The following CLEC9A variants were observed in gnomAD, a reference collection of about 807,000 sequenced individuals.
CLEC9A encodes C-type lectin domain containing 9A, also known as C-type lectin domain family 9 member A.
CLEC9A carries 24 observed loss-of-function variants against 30.0 expected under a neutral mutation model. The observed-to-expected ratio is 0.80, with a 90% CI of 0.58 to 1.13. CLEC9A has a LOEUF of 1.13. CLEC9A is among the 50% of genes most tolerant of loss of function. The pLI, the probability that CLEC9A is intolerant of heterozygous loss-of-function variation, is 0.00. For synonymous variants in CLEC9A, 111 were observed against 96.8 expected, an observed-to-expected ratio of 1.15 and a Z score of -0.86; for missense variants, 251 against 280.9, an observed-to-expected ratio of 0.89 and a Z score of 0.76.
chr12:10,062,943 A>G, intron 6 of CLEC9A, 112 bp from the exon 7 acceptor site: 1 of 825,842 alleles, frequency 1.2e-6, no homozygotes, highest in Non-Finnish European at 1.8e-6. Context: ...CATGTGGACC[A>G]TTACGTTATG....
chr12:10,046,328 A>C (rs1454816321), intron 2 of CLEC9A, among the ~76,000 whole-genome samples: 1 of 152,188 alleles, frequency 6.6e-6, no homozygotes, highest in Non-Finnish European at 1.5e-5. Flanking sequence ...CATTACACAA[A>C]TACAATTACT....
At chr12:10,032,811 A>G (rs1865712052) in intron 1 of CLEC9A, among the ~76,000 whole-genome samples, 1 of 152,176 alleles carries the variant, frequency 6.6e-6, no homozygotes, top group Non-Finnish European at 1.5e-5. Context: ...CTCCTATGTT[A>G]AAAACAAGCA....
chr12:10,064,864 G>A lies in CLEC9A; in HGVS notation c.593+11G>A, dbSNP rs1866029726. ...TCCTTCTCCTGGCCTGTAAGTCTCT[G>A]AGTGAAATGCTACAAGAAAAGTTAG... On this transcript the variant is annotated intron_variant, in intron 8 of 8. Coordinates refer to ENST00000355819, the MANE Select transcript of CLEC9A (RefSeq NM_207345.4). 3 of 1,604,160 alleles carry A rather than the reference G, an allele frequency of 1.9e-6. No individual in the cohort carries two copies. Among genetic ancestry groups the A allele is most frequent in the South Asian group, 1.1e-5 (1 of 89,480 alleles).
At chr12:10,061,103 A>G (rs753418302) in intron 5 of CLEC9A, 24 bp from the exon 6 acceptor site, 16 of 1,602,034 alleles carry the variant, frequency 1.0e-5, no homozygotes, top group Admixed American at 1.8e-5. Flanking sequence ...GGATTTTATT[A>G]GGAATGATTG....
Position 10,065,596 on chromosome 12 carries a change from T to C in CLEC9A, c.690T>C (p.Phe230=), listed in dbSNP as rs777229446. The C allele has an allele frequency of 2.5e-6, 4 of 1,613,806 alleles. No individual in the cohort carries two copies. Among genetic ancestry groups the C allele is most frequent in the Non-Finnish European group, 3.4e-6 (4 of 1,179,862 alleles). ...CTAACTGCAGCACGTGGAAGTATTTTATCTGTGAGAAGTATGCGTTGAGAT... is the reference window on the plus strand; with the variant it reads ...CTAACTGCAGCACGTGGAAGTATTTCATCTGTGAGAAGTATGCGTTGAGAT... ...LSSNCSTWKY[F]ICEKYALRSS... is the part of the protein sequence containing the mutation. Residue 230 remains phenylalanine, a synonymous_variant, in exon 9 of 9, where the codon TTT becomes TTC. Transcript: ENST00000355819.
At chr12:10,052,844 T>C in intron 4 of CLEC9A, 66 bp downstream of exon 4, 2 of 1,534,366 alleles carry the variant, frequency 1.3e-6, no homozygotes, top group Non-Finnish European at 1.8e-6. Flanking sequence ...TTCTGCTCTA[T>C]CATGAGGCCA....
chr12:10,048,351 A>G lies in CLEC9A; in HGVS notation c.-162-3640A>G, dbSNP rs183476092. On this transcript the variant is annotated intron_variant, in intron 2 of 8. Coordinates refer to ENST00000355819, the MANE Select transcript of CLEC9A (RefSeq NM_207345.4). ...CGCGACACTACAGTCCAGCCTGGTGACAGAGTGAGATTCCGAAAAAAAAAA... is the reference window on the plus strand; with the variant it reads ...CGCGACACTACAGTCCAGCCTGGTGGCAGAGTGAGATTCCGAAAAAAAAAA... 4.5e-4 allele frequency among the ~76,000 whole-genome samples: 64 copies of G among 142,048 alleles called. 1 individual carries two copies. The highest frequency in any genetic ancestry group is 3.5e-3 in the Middle Eastern group (1 of 286). 93.2% of individuals were successfully genotyped at this position (142,048 alleles called of 152,430 possible).
chr12:10,057,533 G>T (rs566143490), intron 5 of CLEC9A, among the ~76,000 whole-genome samples: 401 of 151,858 alleles, frequency 2.6e-3, no homozygotes, highest in African/African-American at 9.0e-3. Flanking sequence ...TTATATAAAA[G>T]AACACAATGC....
At chr12:10,032,898 T>C (rs927610416) in intron 1 of CLEC9A, among the ~76,000 whole-genome samples, 1 of 152,170 alleles carries the variant, frequency 6.6e-6, no homozygotes, top group Non-Finnish European at 1.5e-5. Flanking sequence ...ATTTCTCTAA[T>C]TTTCTTGACA....
chr12:10,065,596 T>A lies in CLEC9A; in HGVS notation c.690T>A (p.Phe230Leu), dbSNP rs777229446. The change falls in exon 9 of 9, where the codon TTT (phenylalanine) becomes TTA (leucine). Residue 230 changes from phenylalanine to leucine, a missense_variant. Coordinates refer to ENST00000355819, the MANE Select transcript of CLEC9A (RefSeq NM_207345.4). Reference sequence around the variant, plus strand: ...CTAACTGCAGCACGTGGAAGTATTTTATCTGTGAGAAGTATGCGTTGAGAT... The same window carrying A: ...CTAACTGCAGCACGTGGAAGTATTTAATCTGTGAGAAGTATGCGTTGAGAT... ...LSSNCSTWKY[F>L]ICEKYALRSS... is the part of the protein sequence containing the mutation. 6.2e-7 allele frequency: 1 copy of A among 1,613,924 alleles called. No individual in the cohort carries two copies. The highest frequency in any genetic ancestry group is 8.5e-7 in the Non-Finnish European group (1 of 1,179,854).
chr12:10,065,740 G>A lies in CLEC9A; in HGVS notation c.*108G>A. The A allele has an allele frequency of 7.8e-7, 1 of 1,290,014 alleles. No homozygotes were observed. The highest frequency in any genetic ancestry group is 2.1e-5 in the Admixed American group (1 of 46,944). 79.9% of individuals were successfully genotyped at this position (1,290,014 alleles called of 1,614,324 possible). ...AACAGAACAGTAAACCAAAATGTGG[G>A]CCATGAAATTAGCAACCTGGGACTC... On this transcript the variant is annotated 3_prime_UTR_variant, in exon 9 of 9. Coordinates refer to ENST00000355819, the MANE Select transcript of CLEC9A (RefSeq NM_207345.4).
At position 10,061,188 on chromosome 12, in the gene CLEC9A, A is replaced by G; in HGVS notation, c.234A>G (p.Ala78=). ...AAAAACTCATCCAACAAGAGAGGGC[A>G]CTGCTAAACTTTACAGAATGGAAGA... ...QQEKLIQQER[A]LLNFTEWKRS... Residue 78 remains alanine (A), a synonymous_variant, in exon 6 of 9, where the codon GCA becomes GCG. Transcript: ENST00000355819. The G allele has an allele frequency of 1.2e-6, 2 of 1,613,420 alleles. No individual in the cohort carries two copies.
At position 10,058,119 on chromosome 12, in the gene CLEC9A, A is replaced by G. The variant is rs145071229; in HGVS notation, c.173-3008A>G. On this transcript the variant is annotated intron_variant, in intron 5 of 8. Coordinates refer to ENST00000355819, the MANE Select transcript of CLEC9A (RefSeq NM_207345.4). The stretch of plus-strand genomic sequence containing the variant: ...CATTTAGGGTAAAACTCTGAAGAGA[A>G]GTCTCATTTCCCTTTCTCCAGTTTT... 4.1e-3 allele frequency among the ~76,000 whole-genome samples: 618 copies of G among 152,322 alleles called. 2 individuals carry two copies. The highest frequency in any genetic ancestry group is 0.01 in the Middle Eastern group (3 of 294).
chr12:10,063,175 C>G lies in CLEC9A; in HGVS notation c.440C>G (p.Thr147Arg). The change falls in exon 7 of 9, where the codon ACG (threonine) becomes AGG (arginine). Residue 147 changes from threonine to arginine, a missense_variant. Transcript: ENST00000355819. The stretch of plus-strand genomic sequence containing the variant: ...GAGAATTGTTTAAAGGAAGGTTCCA[C>G]GCTGCTACAAATAGAGAGCAAAGAA... ...SQENCLKEGS[T>R]LLQIESKEEM... 6.2e-7 allele frequency: 1 copy of G among 1,609,720 alleles called. No homozygotes were observed. The highest frequency in any genetic ancestry group is 8.5e-7 in the Non-Finnish European group (1 of 1,178,558).
At chr12:10,031,394 G>A (rs1351081575) in intron 1 of CLEC9A, among the ~76,000 whole-genome samples, 1 of 152,214 alleles carries the variant, frequency 6.6e-6, no homozygotes, top group Non-Finnish European at 1.5e-5. Context: ...GGGAAAGGGA[G>A]TCAAACACGA....
intron 2 of CLEC9A, among the ~76,000 whole-genome samples, chr12:10,050,872 C>T (rs1020817053): frequency 1.3e-5 from 2 of 152,112 alleles, no homozygotes; most frequent in African/African-American, 4.8e-5. Context: ...CATTAATTTT[C>T]AGATTCGAAT....
At chr12:10,065,417 C>G in intron 8 of CLEC9A, 83 bp from the exon 9 acceptor site, 1 of 1,522,594 alleles carries the variant, frequency 6.6e-7, no homozygotes, top group Non-Finnish European at 8.9e-7. Flanking sequence ...AAACAAGCAG[C>G]TACACACCTC....
intron 2 of CLEC9A, among the ~76,000 whole-genome samples, chr12:10,051,492 C>T (rs1865892445): frequency 6.6e-6 from 1 of 152,172 alleles, no homozygotes; most frequent in Non-Finnish European, 1.5e-5. Flanking sequence ...TGTCACACCC[C>T]TTTTTGGTTC....
chr12:10,041,088 CA>C (rs1241393521), intron 1 of CLEC9A: 5 of 156,536 alleles, frequency 3.2e-5, no homozygotes, highest in Non-Finnish European at 4.2e-5. Flanking sequence ...ACTAAAAATA[CA>C]AAAAAAATTA....
Sources: gnomAD v4.1 joint callset for allele counts (sites outside exome capture counted in the v4.1 genomes callset) on GRCh38, gnomAD v4.1.1 for gene constraint, MANE v1.5 for transcripts, NCBI Gene and HGNC (gene_info 2026-07-23, HGNC 2026-07-21) for gene names.